Variants in VWA2 observed in about 807,000 individuals in gnomAD.
VWA2 encodes the protein von Willebrand factor A domain containing 2.
VWA2 carries 73 observed loss-of-function variants against 70.4 expected under a neutral mutation model. The observed-to-expected ratio is 1.04, with a 90% CI of 0.86 to 1.26. The LOEUF (loss-of-function observed/expected upper bound fraction) is 1.26. VWA2 is among the 50% of genes most tolerant of loss of function. VWA2 has a pLI of 0.00. For missense variants in VWA2, 1,011 were observed against 998.5 expected, an observed-to-expected ratio of 1.01 and a Z score of -0.17; for synonymous variants, 407 against 423.3, an observed-to-expected ratio of 0.96 and a Z score of 0.47.
At chr10:114,252,592 C>G (rs998813394) in intron 2 of VWA2, among the ~76,000 whole-genome samples, 1 of 152,042 alleles carries the variant, frequency 6.6e-6, no homozygotes, top group Admixed American at 6.5e-5. Flanking sequence ...CAGTTGCAAA[C>G]CTTGAGACCA....
In VWA2 at chr10:114,261,274, G is replaced by A. The variant is rs1251961676; in HGVS notation, c.350G>A (p.Arg117Lys). The change falls in exon 5 of 14, where the codon AGA (arginine) becomes AAA (lysine). Residue 117 changes from arginine (R) to lysine (K), a missense_variant. Physicochemically the swap from Arg to Lys is conservative, Grantham distance 26. Coordinates refer to ENST00000392982, the MANE Select transcript of VWA2 (RefSeq NM_001272046.2). Reference protein sequence around the residue: ...SFSTQQEVKARIKRMVFKGGR... With the variant: ...SFSTQQEVKAKIKRMVFKGGR... ...TCAACCCAACAGGAAGTGAAGGCAA[G>A]AATCAAGAGGATGGTTTTCAAGTAT... The A allele has an allele frequency of 1.9e-5, 31 of 1,614,006 alleles. No individual in the cohort carries two copies. The highest frequency in any genetic ancestry group is 2.4e-5 in the Non-Finnish European group (28 of 1,179,974).
At chr10:114,268,540 C>A (rs1359589570) in intron 5 of VWA2, among the ~76,000 whole-genome samples, 1 of 152,134 alleles carries the variant, frequency 6.6e-6, no homozygotes, top group Non-Finnish European at 1.5e-5. Flanking sequence ...CAGCGCCTGG[C>A]ACACGCTAAG....
intron 7 of VWA2, 47 bp downstream of exon 7, chr10:114,278,094 G>C (rs199976059): frequency 6.3e-7 from 1 of 1,583,014 alleles, no homozygotes; most frequent in African/African-American, 1.3e-5. Flanking sequence ...TGTGGGGTCG[G>C]GGAGGGCTCC....
At position 114,291,573 on chromosome 10, in the gene VWA2, G is replaced by A. The variant is rs1280846459; in HGVS notation, c.*336G>A. ...ACCTTTCCCTTGAGGATAAACAAGG[G>A]GTCCTGAAGACTTAAATTTAGCGGC... On this transcript the variant is annotated 3_prime_UTR_variant, in exon 14 of 14. Coordinates refer to ENST00000392982, the MANE Select transcript of VWA2 (RefSeq NM_001272046.2). 3.5e-6 allele frequency: 1 copy of A among 281,940 alleles called. No individual in the cohort carries two copies. The highest frequency in any genetic ancestry group is 6.7e-6 in the Non-Finnish European group (1 of 149,966). The allele number at this position is 281,940 out of a possible 1,614,324, so 17.5% of individuals were successfully genotyped here.
chr10:114,248,639 G>A (rs1407843636), intron 1 of VWA2, 65 bp from the exon 2 acceptor site: 6 of 1,399,126 alleles, frequency 4.3e-6, no homozygotes, highest in Non-Finnish European at 5.1e-6. Context: ...TTGTTTGGCG[G>A]TGTGACTTGG....
In VWA2 at chr10:114,292,372, T is replaced by G. The variant is rs1028543818; in HGVS notation, c.*1135T>G. ...TTTAGTGGGGCAAAGAGAAGTAAGA[T>G]TCTTAAACTCAAAAATATAGGATAA... On this transcript the variant is annotated 3_prime_UTR_variant, in exon 14 of 14. Coordinates refer to ENST00000392982, the MANE Select transcript of VWA2 (RefSeq NM_001272046.2). Among the ~76,000 whole-genome samples the G allele has an allele frequency of 2.0e-5, 3 of 152,104 alleles. No individual in the cohort carries two copies. The highest frequency in any genetic ancestry group is 4.4e-5 in the Non-Finnish European group (3 of 68,024).
chr10:114,244,325 G>T (rs1382780544), intron 1 of VWA2, among the ~76,000 whole-genome samples: 1 of 152,126 alleles, frequency 6.6e-6, no homozygotes, highest in African/African-American at 2.4e-5. Context: ...ACCTCTTACC[G>T]GCAGCCCCAA....
In VWA2 at chr10:114,289,379, T is replaced by C. The variant is rs764293860; in HGVS notation, c.2012T>C (p.Leu671Pro). The change falls in exon 12 of 14, where the codon CTA becomes CCA. Residue 671 changes from leucine (L) to proline (P), a missense_variant. Physicochemically the swap from Leu to Pro is moderately conservative, Grantham distance 98. Coordinates refer to ENST00000392982, the MANE Select transcript of VWA2 (RefSeq NM_001272046.2). ...SVLVVGVGPV[L>P]SEGLRRLAGP... The stretch of plus-strand genomic sequence containing the variant: ...TTGGTCGTGGGCGTGGGGCCTGTCC[T>C]AAGTGAGGGTCTGCGGAGGCTTGCA... The C allele has an allele frequency of 6.2e-7, 1 of 1,614,018 alleles. No homozygotes were observed. Among genetic ancestry groups the C allele is most frequent in the Non-Finnish European group, 8.5e-7 (1 of 1,179,846 alleles).
chr10:114,289,462 G>A lies in VWA2; in HGVS notation c.2095G>A (p.Asp699Asn). The A allele has an allele frequency of 6.2e-7, 1 of 1,614,202 alleles. No individual in the cohort carries two copies. Among genetic ancestry groups the A allele is most frequent in the South Asian group, 1.1e-5 (1 of 91,086 alleles). ...TTACGCCGACCTGCGGTACCACCAG[G>A]ACGTGCTCATTGAGTGGCTGTGTGG... ...AAYADLRYHQ[D>N]VLIEWLCGEA... The change falls in exon 12 of 14, where the codon GAC (aspartate) becomes AAC (asparagine). Residue 699 changes from aspartate (D) to asparagine (N), a missense_variant. Coordinates refer to ENST00000392982, the MANE Select transcript of VWA2 (RefSeq NM_001272046.2).
intron 2 of VWA2, among the ~76,000 whole-genome samples, chr10:114,252,887 C>T (rs939575770): frequency 4.6e-5 from 7 of 152,108 alleles, no homozygotes; most frequent in African/African-American, 1.7e-4. Flanking sequence ...GCATGAGCCA[C>T]TGCACCCGGC....
At chr10:114,290,212 C>T in intron 12 of VWA2, 28 bp from the exon 13 acceptor site, 3 of 1,549,684 alleles carry the variant, frequency 1.9e-6, no homozygotes, top group Non-Finnish European at 2.6e-6. Flanking sequence ...CCTGGCCGGC[C>T]TGGTGGGTAT....
chr10:114,288,465 GC>G (rs1203418770), intron 11 of VWA2, among the ~76,000 whole-genome samples: 1 of 152,216 alleles, frequency 6.6e-6, no homozygotes, highest in African/African-American at 2.4e-5. Context: ...ACAAAGGGTT[GC>G]CCACAAACCC....
At chr10:114,276,040 AGTTT>A (rs2037834510) in intron 6 of VWA2, among the ~76,000 whole-genome samples, 1 of 152,216 alleles carries the variant, frequency 6.6e-6, no homozygotes, top group Non-Finnish European at 1.5e-5. Context: ...CTGTCCAGTT[AGTTT>A]GTCAGTGTTT....
At chr10:114,276,778 C>T (rs1443563471) in intron 6 of VWA2, among the ~76,000 whole-genome samples, 1 of 150,872 alleles carries the variant, frequency 6.6e-6, no homozygotes, top group Non-Finnish European at 1.5e-5. Context: ...CTCGGCCTCC[C>T]AAAGTACTGG....
At position 114,289,314 on chromosome 10, in the gene VWA2, C is replaced by T. The variant is rs771555917; in HGVS notation, c.1947C>T (p.Ala649=). The part of the protein sequence containing the change: ...LTGGRGAEDA[A]VPAQKLRNNG... ...GCGGGAGAGGCGCAGAGGATGCAGC[C>T]GTTCCTGCCCAGAAGCTGAGGAACA... The change falls in exon 12 of 14, where the codon GCC becomes GCT. Residue 649 remains alanine (A), a synonymous_variant. Transcript: ENST00000392982. The T allele has an allele frequency of 1.4e-5, 22 of 1,614,080 alleles. No homozygotes were observed. In the Middle Eastern group the frequency reaches 4.9e-4, roughly 36 times the overall value.
Position 114,291,529 on chromosome 10 carries a change from T to C in VWA2, c.*292T>C. ...ACTTTCTGTACCTGCTGTGCCTTGTTGAGGCTATGTCATCTGCCACCTTTC... is the reference window on the plus strand; with the variant it reads ...ACTTTCTGTACCTGCTGTGCCTTGTCGAGGCTATGTCATCTGCCACCTTTC... On this transcript the variant is annotated 3_prime_UTR_variant, in exon 14 of 14. Transcript: ENST00000392982. 2 of 398,026 alleles carry C rather than the reference T, an allele frequency of 5.0e-6. No homozygotes were observed. Among genetic ancestry groups the C allele is most frequent in the East Asian group, 5.1e-5 (1 of 19,784 alleles). 24.7% of individuals were successfully genotyped at this position (398,026 alleles called of 1,614,324 possible).
rs777237409 is a variant in VWA2 at position 114,286,171 on chromosome 10, C to T, written c.1230C>T (p.Leu410=). Residue 410 remains leucine (L), a synonymous_variant, in exon 11 of 14, where the codon CTC becomes CTT. Coordinates refer to ENST00000392982, the MANE Select transcript of VWA2 (RefSeq NM_001272046.2). ...ATGTGCCTGACCTGGTCTGGAGCCT[C>T]GATGGCATTCCCTTCCGTGGTGGCC... ...YQDVPDLVWS[L]DGIPFRGGPT... 9 of 1,613,978 alleles carry T rather than the reference C, an allele frequency of 5.6e-6. No homozygotes were observed. The highest frequency in any genetic ancestry group is 3.3e-5 in the Admixed American group (2 of 60,012).
intron 1 of VWA2, among the ~76,000 whole-genome samples, chr10:114,247,271 C>A (rs1331694089): frequency 6.6e-6 from 1 of 152,086 alleles, no homozygotes; most frequent in Non-Finnish European, 1.5e-5. Context: ...GTCTGTCCAG[C>A]ACCCCGGTAG....
chr10:114,285,115 C>T (rs997099163), intron 10 of VWA2, 145 bp downstream of exon 10: 2 of 604,022 alleles, frequency 3.3e-6, no homozygotes, highest in South Asian at 2.4e-5. Context: ...GTCTGCAGTT[C>T]ACGTGGTGCA....
Sources: allele counts gnomAD v4.1 joint callset (sites outside exome capture counted in the v4.1 genomes callset), GRCh38; gene constraint gnomAD v4.1.1; transcripts MANE v1.5; gene names NCBI Gene and HGNC (gene_info 2026-07-23, HGNC 2026-07-21).